Variants in SLC20A2 observed in about 807,000 individuals in gnomAD.
SLC20A2 encodes the protein sodium-dependent phosphate transporter 2.
SLC20A2 carries 30 observed loss-of-function variants against 61.0 expected under a neutral mutation model. The observed-to-expected ratio is 0.49, with a 90% CI of 0.37 to 0.67. SLC20A2 has a LOEUF of 0.67. Among genes scored for constraint, SLC20A2 ranks in the 30% least tolerant of loss-of-function variants. The pLI is 0.00. For missense variants in SLC20A2, 626 were observed against 866.4 expected (o/e 0.72, Z 3.48); for synonymous variants, 351 against 353.3 (o/e 0.99, Z 0.07).
chr8:42,444,724 T>G lies in SLC20A2; in HGVS notation c.652A>C (p.Ile218Leu). ...AACAGGAGGGCGACACCAAAGGAAA[T>G]GAGGGCTATGGCCCACATGGGGAGA... is the stretch of plus-strand genomic sequence containing the variant. ...LVLPMWAIALISFGVALLFAF... is the reference protein window; with the variant it reads ...LVLPMWAIALLSFGVALLFAF... Residue 218 changes from isoleucine (I) to leucine (L), a missense_variant, in exon 6 of 11, where the codon ATT becomes CTT. Transcript: ENST00000520262. The G allele has an allele frequency of 6.2e-7, 1 of 1,613,850 alleles. No homozygotes were observed.
rs1802779738 is a variant in SLC20A2, at chr8:42,417,929, G to A, written c.1833C>T (p.Arg611=). ...SVVAVGWIRS[R]KAVDWRLFRN... is the part of the protein sequence containing the mutation. Reference sequence around the variant, plus strand: ...GAAAGAGGCGCCAGTCCACAGCCTTGCGGGAGCGGATCCAGCCCACGGCCA... The same window carrying A: ...GAAAGAGGCGCCAGTCCACAGCCTTACGGGAGCGGATCCAGCCCACGGCCA... The change falls in exon 11 of 11, where the codon CGC becomes CGT. Residue 611 remains arginine, a synonymous_variant. Transcript: ENST00000520262. 6 of 1,613,836 alleles carry A rather than the reference G, an allele frequency of 3.7e-6. No individual in the cohort carries two copies. The highest frequency in any genetic ancestry group is 5.1e-6 in the Non-Finnish European group (6 of 1,179,882).
intron 7 of SLC20A2, among the ~76,000 whole-genome samples, chr8:42,438,180 T>C (rs1804497706): frequency 6.6e-6 from 1 of 151,656 alleles, no homozygotes; most frequent in Non-Finnish European, 1.5e-5. Flanking sequence ...CAGAAATTAC[T>C]ATGGCACTTG....
chr8:42,463,213 T>C, intron 3 of SLC20A2, 123 bp from the exon 4 acceptor site: 1 of 610,068 alleles, frequency 1.6e-6, no homozygotes, highest in Non-Finnish European at 2.8e-6. Flanking sequence ...CAGAATTATT[T>C]ACCTTTAATT....
intron 1 of SLC20A2, among the ~76,000 whole-genome samples, chr8:42,491,558 C>G (rs1809516568): frequency 6.6e-6 from 1 of 151,406 alleles, no homozygotes; most frequent in Non-Finnish European, 1.5e-5. Context: ...GTAATCCCAC[C>G]TATTTGGGAG....
intron 10 of SLC20A2, among the ~76,000 whole-genome samples, chr8:42,420,013 C>T (rs1169509219): frequency 1.3e-5 from 2 of 152,032 alleles, no homozygotes; most frequent in Non-Finnish European, 2.9e-5. Flanking sequence ...GGTGAAACCC[C>T]ATCTCTACTA....
rs115902470 is a variant in SLC20A2, at chr8:42,439,451, G to A, written c.933C>T (p.Tyr311=). ...TSAGSHPRAA[Y]GRALSMTHGS... is the part of the protein sequence containing the mutation. ...CCAAGCTCTCCAGGCACATCTTACC[G>A]TATGCAGCCCGAGGGTGGCTGCCCG... The change falls in exon 7 of 11, where the codon TAC becomes TAT. Residue 311 remains tyrosine, a splice_region_variant and synonymous_variant. Transcript: ENST00000520262. The A allele has an allele frequency of 2.5e-3, 4,110 of 1,613,048 alleles. 13 individuals are homozygous for A. Among genetic ancestry groups the A allele is most frequent in the African/African-American group, 3.5e-3 (260 of 75,026 alleles).
intron 10 of SLC20A2, among the ~76,000 whole-genome samples, chr8:42,422,117 A>G (rs1803086566): frequency 6.6e-6 from 1 of 152,118 alleles, no homozygotes; most frequent in Admixed American, 6.5e-5. Context: ...CAGTGGCACA[A>G]TCTCAGCTCA....
chr8:42,436,548 G>A (rs1020473654), intron 8 of SLC20A2, among the ~76,000 whole-genome samples: 3 of 152,090 alleles, frequency 2.0e-5, no homozygotes, highest in Non-Finnish European at 2.9e-5. Context: ...ACAGCTCCAC[G>A]GCTCCCCTCT....
At chr8:42,482,759 C>T (rs1363312584) in intron 1 of SLC20A2, among the ~76,000 whole-genome samples, 1 of 152,078 alleles carries the variant, frequency 6.6e-6, no homozygotes, top group African/African-American at 2.4e-5. Context: ...GGCACGATGG[C>T]TTATGCCTGT....
rs138575994 is a variant in SLC20A2, at chr8:42,533,546, G to A, written c.-265+8275C>T. ...CACGAGAACTGCTTGAGCCCAGGAG[G>A]TGGAGGTTACAGAGTAGGTTTATAT... On this transcript the variant is annotated intron_variant, in intron 1 of 10. Transcript: ENST00000342228. 1.6e-3 allele frequency among the ~76,000 whole-genome samples: 242 copies of A among 152,090 alleles called. 4 individuals are homozygous for A. The highest frequency in any genetic ancestry group is 5.2e-3 in the African/African-American group (215 of 41,494).
At chr8:42,421,122 G>T (rs1268699832) in intron 10 of SLC20A2, among the ~76,000 whole-genome samples, 2 of 152,172 alleles carry the variant, frequency 1.3e-5, no homozygotes, top group East Asian at 3.8e-4. Flanking sequence ...CTCATATTCA[G>T]ATTATCTTTT....
intron 1 of SLC20A2, among the ~76,000 whole-genome samples, chr8:42,478,426 G>A (rs543197711): frequency 2.0e-5 from 3 of 151,986 alleles, no homozygotes; most frequent in African/African-American, 7.3e-5. Context: ...TGGCCAGGCT[G>A]GTCTTGAACT....
chr8:42,483,965 T>A (rs1383219868), intron 1 of SLC20A2, among the ~76,000 whole-genome samples: 2 of 152,242 alleles, frequency 1.3e-5, no homozygotes, highest in Non-Finnish European at 2.9e-5. Flanking sequence ...ATGGTACTTA[T>A]AAAACTTTTT....
chr8:42,489,643 C>T (rs560162505), intron 1 of SLC20A2, among the ~76,000 whole-genome samples: 7 of 152,180 alleles, frequency 4.6e-5, no homozygotes, highest in African/African-American at 1.4e-4. Context: ...CCCTACAGTG[C>T]GCAGCTGCCA....
intron 1 of SLC20A2, among the ~76,000 whole-genome samples, chr8:42,508,694 G>C (rs891070458): frequency 1.2e-4 from 19 of 152,122 alleles, no homozygotes; most frequent in Admixed American, 1.2e-3. Flanking sequence ...CCCGGCCTGG[G>C]AGTGGCATTT....
intron 8 of SLC20A2, among the ~76,000 whole-genome samples, chr8:42,432,145 G>A (rs1193809606): frequency 6.6e-6 from 1 of 152,220 alleles, no homozygotes; most frequent in Non-Finnish European, 1.5e-5. Flanking sequence ...CTTCTGGAAA[G>A]GATCCCCCAT....
At chr8:42,476,708 T>C (rs544203080) in intron 1 of SLC20A2, among the ~76,000 whole-genome samples, 40 of 152,312 alleles carry the variant, frequency 2.6e-4, no homozygotes, top group Middle Eastern at 3.4e-3. Context: ...AGCGCGGCTT[T>C]TCTTCTTCAC....
intron 1 of SLC20A2, among the ~76,000 whole-genome samples, chr8:42,492,265 A>C (rs1359746355): frequency 6.6e-6 from 1 of 152,188 alleles, no homozygotes; most frequent in East Asian, 1.9e-4. Context: ...CTGAGGCAAG[A>C]GAATTGCTTG....
intron 1 of SLC20A2, among the ~76,000 whole-genome samples, chr8:42,474,508 T>C (rs1807901163): frequency 6.6e-6 from 1 of 152,056 alleles, no homozygotes; most frequent in South Asian, 2.1e-4. Context: ...AAAGACAACA[T>C]TCCACTGAAA....
Sources: gnomAD v4.1 joint callset for allele counts (sites outside exome capture counted in the v4.1 genomes callset) on GRCh38, gnomAD v4.1.1 for gene constraint, MANE v1.5 for transcripts, NCBI Gene and HGNC (gene_info 2026-07-23, HGNC 2026-07-21) for gene names.